Variants in KDM4C observed in about 807,000 individuals in gnomAD.
KDM4C encodes the protein lysine-specific demethylase 4C.
A neutral mutation model predicts 129.3 loss-of-function variants in KDM4C; 81 were observed. The ratio of observed to expected loss-of-function variants is 0.63; its 90% CI spans 0.52 to 0.75. The LOEUF (loss-of-function observed/expected upper bound fraction) is 0.75, where lower values mean the gene tolerates loss of function less well. KDM4C is among the 30% of genes least tolerant of loss of function. The probability of loss-of-function intolerance (pLI) is 0.00; values close to 1 mark genes in which losing one functional copy is unlikely to be tolerated. For synonymous variants in KDM4C, 573 were observed against 456.1 expected (o/e 1.26, Z -3.26); for missense variants, 1,457 against 1,304.0 (o/e 1.12, Z -1.81).
chr9:6,959,266 A>T (rs988644403), intron 8 of KDM4C, among the ~76,000 whole-genome samples: 1 of 152,154 alleles, frequency 6.6e-6, no homozygotes, highest in Non-Finnish European at 1.5e-5. Flanking sequence ...GTAGTCCCAG[A>T]TGTTACTTTT....
intron 1 of KDM4C, among the ~76,000 whole-genome samples, chr9:6,764,223 C>T (rs1481392915): frequency 2.6e-5 from 4 of 152,158 alleles, no homozygotes; most frequent in Admixed American, 6.5e-5. Context: ...TTGGAATTTC[C>T]GATGTTGAAA....
intron 8 of KDM4C, among the ~76,000 whole-genome samples, chr9:6,949,622 C>T (rs934423923): frequency 1.3e-5 from 2 of 152,208 alleles, no homozygotes; most frequent in African/African-American, 2.4e-5. Context: ...GCAGATCACT[C>T]GCGGTTAGGA....
At chr9:6,736,651 T>C (rs887949709) in intron 1 of KDM4C, among the ~76,000 whole-genome samples, 2 of 152,116 alleles carry the variant, frequency 1.3e-5, no homozygotes, top group African/African-American at 2.4e-5. Flanking sequence ...ATCTCTGTTG[T>C]AGACAATGTG....
intron 4 of KDM4C, among the ~76,000 whole-genome samples, chr9:6,834,248 C>T (rs189302112): frequency 2.0e-5 from 3 of 152,154 alleles, no homozygotes; most frequent in Non-Finnish European, 2.9e-5. Flanking sequence ...GTTGCCCAGG[C>T]TGATTTCGGA....
At chr9:7,162,032 A>T (rs892292643) in intron 19 of KDM4C, among the ~76,000 whole-genome samples, 9 of 152,222 alleles carry the variant, frequency 5.9e-5, no homozygotes, top group African/African-American at 2.2e-4. Context: ...GCTAAGGAGT[A>T]AATACTGAAT....
intron 8 of KDM4C, among the ~76,000 whole-genome samples, chr9:6,894,632 T>G (rs1173362347): frequency 6.6e-6 from 1 of 152,332 alleles, no homozygotes; most frequent in East Asian, 1.9e-4. Flanking sequence ...TTGGCCAGAA[T>G]AGGACATTCC....
intron 17 of KDM4C, among the ~76,000 whole-genome samples, chr9:7,050,297 G>T (rs1478874849): frequency 6.6e-6 from 1 of 151,900 alleles, no homozygotes; most frequent in African/African-American, 2.4e-5. Flanking sequence ...GTAGTTGGAA[G>T]TTTTGTAATC....
At chr9:6,845,568 C>G (rs546859221) in intron 4 of KDM4C, among the ~76,000 whole-genome samples, 3 of 152,134 alleles carry the variant, frequency 2.0e-5, no homozygotes, top group Non-Finnish European at 4.4e-5. Flanking sequence ...GATACTATCA[C>G]TGATTGAAAG....
intron 19 of KDM4C, among the ~76,000 whole-genome samples, chr9:7,145,650 T>G (rs1248511761): frequency 6.6e-6 from 1 of 152,250 alleles, no homozygotes; most frequent in Non-Finnish European, 1.5e-5. Flanking sequence ...AAGCAAGGGC[T>G]TCTTTCTGTG....
At chr9:7,078,560 T>G (rs1202301078) in intron 17 of KDM4C, among the ~76,000 whole-genome samples, 1 of 152,204 alleles carries the variant, frequency 6.6e-6, no homozygotes, top group Non-Finnish European at 1.5e-5. Context: ...AGTAGTAATT[T>G]TCAGAGAATC....
intron 8 of KDM4C, among the ~76,000 whole-genome samples, chr9:6,954,080 A>G (rs1468147514): frequency 6.6e-6 from 1 of 152,140 alleles, no homozygotes; most frequent in Admixed American, 6.5e-5. Context: ...ACTTCACCTC[A>G]TTCTATGCTC....
chr9:6,887,672 A>G (rs2130845097), intron 6 of KDM4C, among the ~76,000 whole-genome samples: 1 of 152,298 alleles, frequency 6.6e-6, no homozygotes, highest in African/African-American at 2.4e-5. Context: ...TTGAATCCAC[A>G]TTTGTTTCAA....
chr9:7,036,555 C>T (rs1373055752), intron 15 of KDM4C, among the ~76,000 whole-genome samples: 1 of 152,080 alleles, frequency 6.6e-6, no homozygotes, highest in Non-Finnish European at 1.5e-5. Context: ...TTCTGTTCTT[C>T]TGTTCTCTTT....
chr9:7,123,187 C>G (rs906317006), intron 18 of KDM4C, among the ~76,000 whole-genome samples: 1 of 152,120 alleles, frequency 6.6e-6, no homozygotes, highest in African/African-American at 2.4e-5. Context: ...TCTAACCAGC[C>G]AATCTGCATA....
intron 4 of KDM4C, among the ~76,000 whole-genome samples, chr9:6,837,180 C>G (rs1334796075): frequency 2.0e-5 from 3 of 152,142 alleles, no homozygotes; most frequent in Non-Finnish European, 4.4e-5. Context: ...ACCTCAGCCT[C>G]CTGAGTAGCA....
At chr9:7,119,700 T>G (rs1478255962) in intron 18 of KDM4C, among the ~76,000 whole-genome samples, 1 of 151,886 alleles carries the variant, frequency 6.6e-6, no homozygotes, top group African/African-American at 2.4e-5. Context: ...TAATCTTCTG[T>G]GTTTATTTTA....
chr9:6,960,105 C>G (rs1829775888), intron 8 of KDM4C, among the ~76,000 whole-genome samples: 1 of 151,704 alleles, frequency 6.6e-6, no homozygotes, highest in Admixed American at 6.6e-5. Flanking sequence ...CAAGACCTTC[C>G]CAAAGTCACA....
chr9:6,855,378 G>C (rs527887816), intron 5 of KDM4C, among the ~76,000 whole-genome samples: 47 of 134,380 alleles, frequency 3.5e-4, no homozygotes, highest in African/African-American at 1.2e-3. Flanking sequence ...AGAATCACTT[G>C]AACCCAGGAG....
At chr9:7,027,194 C>T (rs7045222) in intron 15 of KDM4C, among the ~76,000 whole-genome samples, 31,531 of 152,028 alleles carry the variant, frequency 0.21, 3,522 homozygotes, top group Middle Eastern at 0.24. Flanking sequence ...TTACTGTAGT[C>T]TTCCAAGCCT....
Sources: gnomAD v4.1 joint callset for allele counts (sites outside exome capture counted in the v4.1 genomes callset) on GRCh38, gnomAD v4.1.1 for gene constraint, MANE v1.5 for transcripts, NCBI Gene and HGNC (gene_info 2026-07-23, HGNC 2026-07-21) for gene names.